Variants in SLC30A8 observed in about 807,000 individuals in gnomAD.
SLC30A8 encodes the protein solute carrier family 30 member 8.
In SLC30A8, 27 loss-of-function variants were observed where a neutral mutation model predicts 36.9. The ratio of observed to expected loss-of-function variants is 0.73; its 90% CI spans 0.54 to 1.01. SLC30A8 has a LOEUF of 1.01. Among genes scored for constraint, SLC30A8 ranks in the 50% least tolerant of loss-of-function variants. The pLI is 0.00. For missense variants in SLC30A8, 439 were observed against 452.0 expected, an observed-to-expected ratio of 0.97 and a Z score of 0.26; for synonymous variants, 164 against 172.4, an observed-to-expected ratio of 0.95 and a Z score of 0.38.
intron 2 of SLC30A8, among the ~76,000 whole-genome samples, chr8:117,041,081 G>A (rs977138): frequency 0.25 from 37,955 of 152,042 alleles, 4,906 homozygotes; most frequent in African/African-American, 0.32. Flanking sequence ...TGGATTCCGC[G>A]GTGCCAAACC....
At chr8:117,122,346 CTTGA>C (rs2130903789) in intron 2 of SLC30A8, among the ~76,000 whole-genome samples, 1 of 152,122 alleles carries the variant, frequency 6.6e-6, no homozygotes, top group South Asian at 2.1e-4. Flanking sequence ...CATTATCTCA[CTTGA>C]TAATTACAAC....
chr8:117,169,916 G>A (rs1161786828), intron 6 of SLC30A8, among the ~76,000 whole-genome samples: 2 of 152,082 alleles, frequency 1.3e-5, no homozygotes, highest in African/African-American at 2.4e-5. Flanking sequence ...ATGAGACACT[G>A]GCAAGGATAA....
chr8:117,148,099 G>T (rs1277843925), intron 2 of SLC30A8, among the ~76,000 whole-genome samples: 5 of 151,874 alleles, frequency 3.3e-5, no homozygotes, highest in African/African-American at 1.2e-4. Context: ...ACTTAGAGAT[G>T]TTTTAAATTT....
At chr8:116,951,542 T>G (rs529647435) in intron 1 of SLC30A8, among the ~76,000 whole-genome samples, 21 of 152,098 alleles carry the variant, frequency 1.4e-4, no homozygotes, top group Admixed American at 1.3e-4. Flanking sequence ...AAGTTTCCCC[T>G]ATGACAGCAT....
chr8:117,167,778 A>T (rs911283019), intron 6 of SLC30A8, among the ~76,000 whole-genome samples: 1 of 152,296 alleles, frequency 6.6e-6, no homozygotes, highest in Non-Finnish European at 1.5e-5. Flanking sequence ...TAGCACTTGT[A>T]TATCTGTGGA....
chr8:117,122,857 A>C (rs190675676), intron 2 of SLC30A8, among the ~76,000 whole-genome samples: 11 of 151,584 alleles, frequency 7.3e-5, no homozygotes, highest in African/African-American at 2.7e-4. Context: ...CCCTCTGTGG[A>C]CTCTGCTCCT....
chr8:117,151,496 C>T (rs928549947), intron 2 of SLC30A8, among the ~76,000 whole-genome samples: 1 of 152,232 alleles, frequency 6.6e-6, no homozygotes, highest in African/African-American at 2.4e-5. Flanking sequence ...TTCTGGATGG[C>T]TCTTATAAGT....
chr8:117,118,393 A>G (rs745486343), intron 2 of SLC30A8, among the ~76,000 whole-genome samples: 3 of 151,986 alleles, frequency 2.0e-5, no homozygotes, highest in African/African-American at 7.2e-5. Context: ...TAAAAACTCT[A>G]TAAAGAGATT....
At chr8:117,073,382 T>C (rs1818390639) in intron 2 of SLC30A8, among the ~76,000 whole-genome samples, 1 of 151,962 alleles carries the variant, frequency 6.6e-6, no homozygotes, top group Admixed American at 6.6e-5. Flanking sequence ...GCCTCCTGAG[T>C]AGTTGGGATT....
chr8:117,079,524 T>A (rs1818596362), intron 2 of SLC30A8, among the ~76,000 whole-genome samples: 1 of 152,322 alleles, frequency 6.6e-6, no homozygotes, highest in East Asian at 1.9e-4. Context: ...TTCTCCTTGC[T>A]AATGATGGGT....
At chr8:117,097,608 A>T (rs1819462038) in intron 2 of SLC30A8, among the ~76,000 whole-genome samples, 1 of 101,010 alleles carries the variant, frequency 9.9e-6, no homozygotes, top group African/African-American at 4.2e-5. Context: ...TATAATATAT[A>T]ATTTTAAATA....
chr8:116,968,175 C>G (rs1040782438), intron 1 of SLC30A8, among the ~76,000 whole-genome samples: 43 of 152,104 alleles, frequency 2.8e-4, no homozygotes, highest in African/African-American at 1.0e-3. Flanking sequence ...CACTTGGCCT[C>G]AGGAGATGGT....
intron 1 of SLC30A8, among the ~76,000 whole-genome samples, chr8:117,016,350 C>T (rs943430586): frequency 6.6e-6 from 1 of 152,166 alleles, no homozygotes; most frequent in South Asian, 2.1e-4. Context: ...AACATTCTTT[C>T]TGCTGAGGAT....
At chr8:117,110,655 A>G (rs1440552890) in intron 2 of SLC30A8, among the ~76,000 whole-genome samples, 3 of 152,186 alleles carry the variant, frequency 2.0e-5, no homozygotes, top group Admixed American at 6.5e-5. Context: ...ATGGGCTGAG[A>G]AGGGTCCGTC....
At position 117,141,549 on chromosome 8, in the gene SLC30A8, CATA is replaced by C. The variant is rs1821654184; in HGVS notation, c.72-5402_72-5400del. ...TCCATGAAAAACTTGCAGCTCATAT[CATA>C]ATTTTTTTCAATAGGTTTTTTGGGA... On this transcript the variant is annotated intron_variant, in intron 1 of 7. Transcript: ENST00000456015. Among the ~76,000 whole-genome samples, 4 of 152,182 alleles carry C rather than the reference CATA, an allele frequency of 2.6e-5. No homozygotes were observed. The South Asian group carries it at 8.3e-4, about 32-fold the overall frequency.
At chr8:117,000,297 G>A (rs1815968591) in intron 1 of SLC30A8, among the ~76,000 whole-genome samples, 1 of 152,148 alleles carries the variant, frequency 6.6e-6, no homozygotes, top group African/African-American at 2.4e-5. Flanking sequence ...CTGGACCTGG[G>A]CGAGGGCAAA....
chr8:117,117,028 G>A (rs1820472092), intron 2 of SLC30A8, among the ~76,000 whole-genome samples: 1 of 151,938 alleles, frequency 6.6e-6, no homozygotes, highest in Admixed American at 6.6e-5. Flanking sequence ...TAGCCCTCCA[G>A]AAATGCCTGA....
chr8:117,151,792 G>A (rs1306885364), intron 2 of SLC30A8, among the ~76,000 whole-genome samples: 1 of 152,208 alleles, frequency 6.6e-6, no homozygotes, highest in East Asian at 1.9e-4. Context: ...TCAGGACCAA[G>A]TTTGGCAGAT....
chr8:117,163,324 A>T, intron 5 of SLC30A8, 101 bp from the exon 6 acceptor site: 2 of 875,150 alleles, frequency 2.3e-6, no homozygotes, highest in Non-Finnish European at 3.6e-6. Flanking sequence ...AATGAGTGAC[A>T]GAGAAGGAAA....
Sources: allele counts gnomAD v4.1 joint callset (sites outside exome capture counted in the v4.1 genomes callset), GRCh38; gene constraint gnomAD v4.1.1; transcripts MANE v1.5; gene names NCBI Gene and HGNC (gene_info 2026-07-23, HGNC 2026-07-21).